Variants in MAST3 observed in about 807,000 individuals in gnomAD.
MAST3 encodes the protein microtubule associated serine/threonine kinase 3.
A neutral mutation model predicts 127.0 loss-of-function variants in MAST3; 43 were observed. That is an observed-to-expected ratio of 0.34 (90% CI 0.27 to 0.44). The LOEUF is 0.44. Ranked by LOEUF, MAST3 falls within the 20% of genes least tolerant of loss-of-function variation. MAST3 has a pLI of 1.00. For missense variants in MAST3, 1,390 were observed against 1,919.1 expected (o/e 0.72, Z 5.15); for synonymous variants, 785 against 809.2 (o/e 0.97, Z 0.51).
Position 18,117,169 on chromosome 19 carries a change from C to T in MAST3, c.162-4516C>T, listed in dbSNP as rs187101117. Among the ~76,000 whole-genome samples the T allele has an allele frequency of 3.9e-4, 59 of 152,208 alleles. No homozygotes were observed. In the East Asian group the frequency reaches 7.2e-3, roughly 18 times the overall value. On this transcript the variant is annotated intron_variant, in intron 3 of 27. Transcript: ENST00000687212. ...TGTGTCTCAGATTTTATTCTGTTTT[C>T]AGTATGGGGGATGTTACGCATGGGG...
At position 18,131,441 on chromosome 19, in the gene MAST3, C is replaced by T. The variant is rs538265658; in HGVS notation, c.1433-468C>T. Among the ~76,000 whole-genome samples the T allele has an allele frequency of 2.9e-5, 4 of 140,146 alleles. 1 individual carries two copies. Among genetic ancestry groups the T allele is most frequent in the African/African-American group, 1.0e-4 (4 of 38,380 alleles). 91.9% of individuals were successfully genotyped at this position (140,146 alleles called of 152,430 possible). ...ATAGGCCAGGCGCGGTGGCCAACGC[C>T]TGTAATCTCAGCACTTTGGGAGGCC... is the stretch of plus-strand genomic sequence containing the variant. On this transcript the variant is annotated intron_variant, in intron 14 of 27. Coordinates refer to ENST00000687212, the MANE Select transcript of MAST3 (RefSeq NM_001393504.1).
rs2042745865 is a variant in MAST3, at chr19:18,143,687, T to C, written c.2340-76T>C. ...CTTGACTGCAGACTGAGAGTTAAGA[T>C]GTGGCCATGAAGGTGGCTGAGTATC... On this transcript the variant is annotated intron_variant, in intron 21 of 27. Transcript: ENST00000687212. 1.5e-5 allele frequency: 24 copies of C among 1,573,620 alleles called. No individual in the cohort carries two copies. The South Asian group carries it at 2.7e-4, about 17-fold the overall frequency.
chr19:18,117,337 A>G (rs1236771957), intron 3 of MAST3, among the ~76,000 whole-genome samples: 1 of 152,100 alleles, frequency 6.6e-6, no homozygotes. Context: ...TTTTCCTCCA[A>G]TTTCACAGTT....
intron 1 of MAST3, among the ~76,000 whole-genome samples, chr19:18,107,205 C>T (rs906020659): frequency 6.6e-6 from 1 of 151,980 alleles, no homozygotes; most frequent in Non-Finnish European, 1.5e-5. Context: ...TCAAACAACC[C>T]TCCTGCTTTG....
At chr19:18,125,634 G>A (rs1200136661) in intron 11 of MAST3, among the ~76,000 whole-genome samples, 1 of 151,264 alleles carries the variant, frequency 6.6e-6, no homozygotes, top group African/African-American at 2.4e-5. Context: ...CCAGCTACTC[G>A]GGAGGCTGAG....
intron 19 of MAST3, among the ~76,000 whole-genome samples, 183 bp from the exon 20 acceptor site, chr19:18,138,832 C>T (rs2042147456): frequency 6.6e-6 from 1 of 152,128 alleles, no homozygotes; most frequent in Non-Finnish European, 1.5e-5. Context: ...TGGTGTTGAT[C>T]CCCAGATATC....
rs2270623 is a variant in MAST3 at position 18,134,702 on chromosome 19, C to T, written c.1695C>T (p.Ile565=). Residue 565 remains isoleucine (I), a synonymous_variant, in exon 16 of 28, where the codon ATC becomes ATT. Transcript: ENST00000687212. ...GHIEKDAREF[I]DKQVCGTPEY... ...TCGAGAAGGACGCCCGAGAGTTCAT[C>T]GACAAGCAGGTGGGCGGGCAGGTGG... 0.53 allele frequency: 853,292 copies of T among 1,612,518 alleles called. 228,970 individuals carry two copies. Among genetic ancestry groups the T allele is most frequent in the East Asian group, 0.7 (31,214 of 44,806 alleles).
chr19:18,100,018 A>G (rs2037429643), intron 1 of MAST3, among the ~76,000 whole-genome samples: 1 of 152,050 alleles, frequency 6.6e-6, no homozygotes, highest in Admixed American at 6.6e-5. Flanking sequence ...AAGGGCAGGA[A>G]GCCAGGAAGG....
intron 19 of MAST3, among the ~76,000 whole-genome samples, 199 bp from the exon 20 acceptor site, chr19:18,138,816 C>T (rs2042145450): frequency 6.6e-6 from 1 of 152,110 alleles, no homozygotes; most frequent in South Asian, 2.1e-4. Flanking sequence ...TTTTTAGGGA[C>T]ACAGCTGGTG....
intron 3 of MAST3, among the ~76,000 whole-genome samples, chr19:18,111,591 G>A (rs1395958062): frequency 7.1e-6 from 1 of 141,718 alleles, no homozygotes; most frequent in Non-Finnish European, 1.5e-5. Flanking sequence ...CTGGAGTGCA[G>A]TGGTGCAATC....
intron 15 of MAST3, among the ~76,000 whole-genome samples, chr19:18,133,808 C>T (rs1327440289): frequency 1.3e-5 from 2 of 152,058 alleles, no homozygotes; most frequent in Admixed American, 1.3e-4. Flanking sequence ...CCGGCTTCGG[C>T]CTCCCAAAGT....
intron 1 of MAST3, 146 bp downstream of exon 1, chr19:18,097,977 C>G: frequency 1.7e-6 from 1 of 603,600 alleles, no homozygotes; most frequent in East Asian, 3.9e-5. Context: ...TCTTTTTGAC[C>G]ACCCGCTTCT....
At chr19:18,128,990 G>T in intron 13 of MAST3, 39 bp downstream of exon 13, 7 of 1,566,204 alleles carry the variant, frequency 4.5e-6, no homozygotes, top group Non-Finnish European at 5.3e-6. Context: ...TTTCACAGAT[G>T]CCTGAGGGGA....
Position 18,145,126 on chromosome 19 carries a change from C to T in MAST3, c.2936C>T (p.Pro979Leu). 6.2e-7 allele frequency: 1 copy of T among 1,613,892 alleles called. No homozygotes were observed. Among genetic ancestry groups the T allele is most frequent in the Non-Finnish European group, 8.5e-7 (1 of 1,179,878 alleles). The change falls in exon 24 of 28, where the codon CCC (proline) becomes CTC (leucine). Residue 979 changes from proline (P) to leucine (L), a missense_variant. Transcript: ENST00000687212. This position sits in a 1 kb window ranked among gnomAD's most constrained non-coding sequence, Gnocchi z 5.9. ...CCCGTGTGTGGCAGCCTGCGGCCCCCCATCGTTATCCACAGCTCTGGCAAG... is the reference window on the plus strand; with the variant it reads ...CCCGTGTGTGGCAGCCTGCGGCCCCTCATCGTTATCCACAGCTCTGGCAAG... ...PSPVCGSLRP[P>L]IVIHSSGKKY... is the part of the protein sequence containing the mutation.
chr19:18,108,166 G>A (rs1181297542), intron 2 of MAST3, among the ~76,000 whole-genome samples: 3 of 151,992 alleles, frequency 2.0e-5, no homozygotes, highest in East Asian at 3.9e-4. Flanking sequence ...GGTGGTGCTC[G>A]CTTGTAATCC....
Position 18,124,312 on chromosome 19 carries a change from T to C in MAST3, c.891T>C (p.Leu297=), listed in dbSNP as rs2147227341. ...DSEEVSFIVQ[L]VRKLLIIISR... The stretch of plus-strand genomic sequence containing the variant: ...AGGAGGTCAGCTTCATCGTCCAGCT[T>C]GTCCGGAAACTGCTGATCATCATCT... Residue 297 remains leucine, a synonymous_variant, in exon 10 of 28, where the codon CTT becomes CTC. Coordinates refer to ENST00000687212, the MANE Select transcript of MAST3 (RefSeq NM_001393504.1). 1 of 1,610,232 alleles carries C rather than the reference T, an allele frequency of 6.2e-7. No homozygotes were observed. Among genetic ancestry groups the C allele is most frequent in the South Asian group, 1.1e-5 (1 of 90,118 alleles).
chr19:18,111,593 G>T (rs1313376896), intron 3 of MAST3, among the ~76,000 whole-genome samples: 1 of 142,818 alleles, frequency 7.0e-6, no homozygotes. Flanking sequence ...GGAGTGCAGT[G>T]GTGCAATCTC....
chr19:18,100,719 C>T (rs764155298), intron 1 of MAST3, among the ~76,000 whole-genome samples: 1 of 152,130 alleles, frequency 6.6e-6, no homozygotes, highest in Non-Finnish European at 1.5e-5. Flanking sequence ...CAATCTGGCA[C>T]GTGAAGGTGT....
intron 1 of MAST3, 50 bp from the exon 2 acceptor site, chr19:18,107,537 T>A (rs1395273965): frequency 6.3e-7 from 1 of 1,599,540 alleles, no homozygotes; most frequent in Non-Finnish European, 8.6e-7. Flanking sequence ...GGCCAGGGGT[T>A]CTGAGGGCTA....
Sources: allele counts gnomAD v4.1 joint callset (sites outside exome capture counted in the v4.1 genomes callset), GRCh38; gene constraint gnomAD v4.1.1; non-coding constraint Gnocchi (gnomAD v3.1); transcripts MANE v1.5; gene names NCBI Gene and HGNC (gene_info 2026-07-23, HGNC 2026-07-21).